Variants in ATRNL1 observed in about 807,000 individuals in gnomAD.
ATRNL1 encodes attractin-like protein 1.
Under a neutral mutation model 182.7 loss-of-function variants are expected in ATRNL1, and 95 were observed. The observed-to-expected ratio is 0.52, with a 90% CI of 0.44 to 0.62. The LOEUF is 0.62. Among genes scored for constraint, ATRNL1 ranks in the 20% least tolerant of loss-of-function variants. The pLI is 0.00. For missense variants in ATRNL1, 1,471 were observed against 1,679.5 expected (o/e 0.88, Z 2.17); for synonymous variants, 576 against 568.3 (o/e 1.01, Z -0.19).
At chr10:115,285,030 T>A (rs1424874366) in intron 14 of ATRNL1, among the ~76,000 whole-genome samples, 1 of 152,140 alleles carries the variant, frequency 6.6e-6, no homozygotes, top group Non-Finnish European at 1.5e-5. Context: ...CCTTCTTTAT[T>A]TTTTGATGCT....
intron 28 of ATRNL1, among the ~76,000 whole-genome samples, chr10:115,928,983 T>C (rs1953316715): frequency 6.6e-6 from 1 of 152,050 alleles, no homozygotes; most frequent in African/African-American, 2.4e-5. Context: ...TCAAACTCAC[T>C]GAATCCTTAT....
At chr10:115,614,431 G>T (rs1857327550) in intron 26 of ATRNL1, among the ~76,000 whole-genome samples, 1 of 152,102 alleles carries the variant, frequency 6.6e-6, no homozygotes, top group Non-Finnish European at 1.5e-5. Flanking sequence ...GTTGATGCTT[G>T]TTTTGTGGCC....
intron 24 of ATRNL1, among the ~76,000 whole-genome samples, chr10:115,511,827 T>G (rs1374672864): frequency 2.0e-5 from 3 of 151,952 alleles, no homozygotes; most frequent in African/African-American, 4.8e-5. Flanking sequence ...ATTGACAAAA[T>G]GTATTATCAG....
chr10:115,915,357 C>T (rs1952815914), intron 28 of ATRNL1, among the ~76,000 whole-genome samples: 1 of 150,944 alleles, frequency 6.6e-6, no homozygotes, highest in African/African-American at 2.4e-5. Flanking sequence ...GAGATCGCGC[C>T]ACTGCACTCC....
At chr10:115,286,662 ATAATT>A (rs1315581126) in intron 15 of ATRNL1, among the ~76,000 whole-genome samples, 1 of 152,022 alleles carries the variant, frequency 6.6e-6, no homozygotes, top group Non-Finnish European at 1.5e-5. Context: ...TAAAGAGTAT[ATAATT>A]TAAGAATTAT....
At chr10:115,392,519 C>G (rs1192030157) in intron 19 of ATRNL1, among the ~76,000 whole-genome samples, 2 of 152,190 alleles carry the variant, frequency 1.3e-5, no homozygotes, top group Non-Finnish European at 2.9e-5. Flanking sequence ...CTCCTCTATT[C>G]CATATGTTCT....
At chr10:115,904,020 C>T (rs782477073) in intron 28 of ATRNL1, among the ~76,000 whole-genome samples, 12 of 152,062 alleles carry the variant, frequency 7.9e-5, no homozygotes, top group Admixed American at 5.2e-4. Flanking sequence ...TAAGTAAGGA[C>T]GGCCTCAGAC....
chr10:115,497,252 G>A (rs1283625870), intron 24 of ATRNL1, among the ~76,000 whole-genome samples: 1 of 151,942 alleles, frequency 6.6e-6, no homozygotes, highest in African/African-American at 2.4e-5. Flanking sequence ...TTTATCTATC[G>A]GCTCCTGCAT....
chr10:115,635,381 G>A (rs2133841710), intron 26 of ATRNL1, among the ~76,000 whole-genome samples: 1 of 150,038 alleles, frequency 6.7e-6, no homozygotes, highest in East Asian at 1.9e-4. Context: ...ATAGGCATAT[G>A]TAAAGGATCT....
At chr10:115,886,032 C>T (rs782818121) in intron 28 of ATRNL1, among the ~76,000 whole-genome samples, 6 of 152,154 alleles carry the variant, frequency 3.9e-5, no homozygotes, top group African/African-American at 1.2e-4. Context: ...TGCTGTGCTG[C>T]GTGTCACTTT....
At chr10:115,844,359 A>G (rs1474947258) in intron 27 of ATRNL1, among the ~76,000 whole-genome samples, 2 of 152,036 alleles carry the variant, frequency 1.3e-5, no homozygotes, top group African/African-American at 4.8e-5. Context: ...AGCTTTACCC[A>G]TTGATGTTTT....
In ATRNL1 at chr10:115,652,413, G is replaced by C. The variant is rs146698036; in HGVS notation, c.3796-74835G>C. Among the ~76,000 whole-genome samples, 30 of 152,104 alleles carry C rather than the reference G, an allele frequency of 2.0e-4. No individual in the cohort carries two copies. In the East Asian group the frequency reaches 5.4e-3, roughly 27 times the overall value. On this transcript the variant is annotated intron_variant, in intron 26 of 28. Coordinates refer to ENST00000355044, the MANE Select transcript of ATRNL1 (RefSeq NM_207303.4). ...ACCTATAAAATTCTTGCACTGACCA[G>C]TAATAATAAGTTGTGATGCACATTT...
At chr10:115,777,315 A>C (rs1949151232) in intron 27 of ATRNL1, among the ~76,000 whole-genome samples, 1 of 152,208 alleles carries the variant, frequency 6.6e-6, no homozygotes, top group Admixed American at 6.5e-5. Context: ...CTAGTAACTG[A>C]ATAAAATAAA....
At chr10:115,392,663 G>T (rs949867034) in intron 19 of ATRNL1, among the ~76,000 whole-genome samples, 1 of 152,162 alleles carries the variant, frequency 6.6e-6, no homozygotes, top group Non-Finnish European at 1.5e-5. Flanking sequence ...CTGTGTGAGA[G>T]ATGCACAATG....
intron 26 of ATRNL1, among the ~76,000 whole-genome samples, chr10:115,652,150 C>T (rs367917387): frequency 1.3e-5 from 2 of 151,888 alleles, no homozygotes; most frequent in South Asian, 2.1e-4. Context: ...TATAATTTTA[C>T]ATATTTTCAT....
chr10:115,427,900 CTT>C (rs575225403), intron 21 of ATRNL1, among the ~76,000 whole-genome samples: 5 of 143,014 alleles, frequency 3.5e-5, no homozygotes, highest in Admixed American at 7.0e-5. Context: ...TTTGACTACT[CTT>C]TTTTTTTTTG....
intron 26 of ATRNL1, among the ~76,000 whole-genome samples, chr10:115,573,326 C>T (rs1453285022): frequency 1.3e-5 from 2 of 152,016 alleles, no homozygotes; most frequent in Middle Eastern, 3.2e-3. Context: ...GTTCAGATGT[C>T]CCTCTTCTTC....
At chr10:115,142,312 CA>C (rs1760174778) in intron 5 of ATRNL1, among the ~76,000 whole-genome samples, 1 of 152,048 alleles carries the variant, frequency 6.6e-6, no homozygotes, top group Non-Finnish European at 1.5e-5. Context: ...ACATTCTAGG[CA>C]GAGACCTGTC....
At chr10:115,176,484 C>CA (rs1272281171) in intron 8 of ATRNL1, among the ~76,000 whole-genome samples, 1 of 151,762 alleles carries the variant, frequency 6.6e-6, no homozygotes, top group Admixed American at 6.6e-5. Flanking sequence ...TAATCTGGGC[C>CA]AAAAATGATG....
Sources: allele counts gnomAD v4.1 joint callset (sites outside exome capture counted in the v4.1 genomes callset), GRCh38; gene constraint gnomAD v4.1.1; transcripts MANE v1.5; gene names NCBI Gene and HGNC (gene_info 2026-07-23, HGNC 2026-07-21).